RBM47: variants seen among roughly 807,000 people sequenced by gnomAD.
RBM47 encodes the protein RNA binding motif protein 47, also known as RNA-binding protein 47.
RBM47 carries 21 observed loss-of-function variants against 47.1 expected under a neutral mutation model. That is an observed-to-expected ratio of 0.45 (90% CI 0.32 to 0.64). The LOEUF (loss-of-function observed/expected upper bound fraction) is 0.64, where lower values mean the gene tolerates loss of function less well. Ranked by LOEUF, RBM47 falls within the 30% of genes least tolerant of loss-of-function variation. RBM47 has a pLI of 0.05. For missense variants in RBM47, 708 were observed against 870.9 expected (o/e 0.81, Z 2.35); for synonymous variants, 375 against 361.7 (o/e 1.04, Z -0.42).
chr4:40,459,243 C>G (rs1468829610), intron 3 of RBM47, among the ~76,000 whole-genome samples: 1 of 152,200 alleles, frequency 6.6e-6, no homozygotes, highest in African/African-American at 2.4e-5. Context: ...GTGCCTGGCA[C>G]TGAATGAATG....
At chr4:40,496,007 T>C (rs1005717181) in intron 2 of RBM47, among the ~76,000 whole-genome samples, 3 of 152,230 alleles carry the variant, frequency 2.0e-5, no homozygotes, top group Non-Finnish European at 2.9e-5. Flanking sequence ...TTAACTGAGA[T>C]GGCTCAAAGG....
intron 1 of RBM47, among the ~76,000 whole-genome samples, chr4:40,606,794 G>A (rs563980361): frequency 2.6e-4 from 40 of 152,104 alleles, no homozygotes; most frequent in Non-Finnish European, 4.4e-4. Flanking sequence ...GTACTAACAT[G>A]AACATGTGTT....
chr4:40,535,925 T>G (rs1577907769), intron 2 of RBM47, among the ~76,000 whole-genome samples: 1 of 152,132 alleles, frequency 6.6e-6, no homozygotes, highest in South Asian at 2.1e-4. Context: ...GGTCTCAAAC[T>G]CCTGACCTCA....
At chr4:40,622,548 T>C (rs1737360069) in intron 1 of RBM47, among the ~76,000 whole-genome samples, 2 of 152,060 alleles carry the variant, frequency 1.3e-5, no homozygotes, top group African/African-American at 4.8e-5. Context: ...CTCTAGAAAG[T>C]TTTCGGCAGG....
Position 40,426,167 on chromosome 4 carries a change from G to T in RBM47, c.1543-24C>A, listed in dbSNP as rs548154965. 68 of 1,610,160 alleles carry T rather than the reference G, an allele frequency of 4.2e-5. No individual in the cohort carries two copies. In the South Asian group the frequency reaches 7.4e-4, roughly 17 times the overall value. ...CCCTGAGGAGAAGAGACAAAAAGGA[G>T]CCTTCCTGAACACGTGTATGTACCT... On this transcript the variant is annotated intron_variant, in intron 6 of 6. Coordinates refer to ENST00000295971, the MANE Select transcript of RBM47 (RefSeq NM_001098634.2).
intron 1 of RBM47, among the ~76,000 whole-genome samples, chr4:40,582,351 T>C (rs760380506): frequency 3.9e-5 from 6 of 152,066 alleles, no homozygotes; most frequent in Non-Finnish European, 7.4e-5. Context: ...CTGGTCAACA[T>C]GGTAAAACCC....
intron 4 of RBM47, among the ~76,000 whole-genome samples, chr4:40,437,090 A>AAAAAAAAAAAAAAAAAAAAAATATAT: frequency 2.0e-5 from 1 of 49,800 alleles, no homozygotes; most frequent in Non-Finnish European, 3.3e-5. Flanking sequence ...AAAAAAAAAA[A>AAAAAAAAAAAAAAAAAAAAAATATAT]ATATATATAT....
intron 1 of RBM47, among the ~76,000 whole-genome samples, chr4:40,613,694 T>C (rs899205714): frequency 1.3e-5 from 2 of 151,976 alleles, no homozygotes; most frequent in Non-Finnish European, 2.9e-5. Context: ...TGGTGACTCA[T>C]GCTTGTAATC....
chr4:40,593,871 G>A (rs1335102680), intron 1 of RBM47, among the ~76,000 whole-genome samples: 4 of 136,798 alleles, frequency 2.9e-5, no homozygotes, highest in Admixed American at 7.7e-5. Flanking sequence ...GTGACCAAGC[G>A]AGACTCTGTC....
chr4:40,506,096 C>T (rs1724070840), intron 2 of RBM47, among the ~76,000 whole-genome samples: 1 of 152,126 alleles, frequency 6.6e-6, no homozygotes, highest in Admixed American at 6.5e-5. Flanking sequence ...CTCTAATACT[C>T]TTACTAAAAA....
At chr4:40,600,165 C>A (rs1735113235) in intron 1 of RBM47, among the ~76,000 whole-genome samples, 1 of 147,550 alleles carries the variant, frequency 6.8e-6, no homozygotes, top group African/African-American at 2.5e-5. Flanking sequence ...TAATACCTGG[C>A]TAATTTTTTT....
At chr4:40,511,807 C>CGCCT (rs1039170633) in intron 2 of RBM47, among the ~76,000 whole-genome samples, 1 of 151,784 alleles carries the variant, frequency 6.6e-6, no homozygotes, top group Non-Finnish European at 1.5e-5. Context: ...TGGTGGCAGG[C>CGCCT]GCCTATAGCC....
Position 40,522,186 on chromosome 4 carries a change from G to C in RBM47, c.-155+22236C>G, listed in dbSNP as rs141415737. 3.4e-3 allele frequency among the ~76,000 whole-genome samples: 515 copies of C among 152,192 alleles called. 3 individuals are homozygous for C. Among genetic ancestry groups the C allele is most frequent in the Non-Finnish European group, 6.1e-3 (415 of 67,994 alleles). ...TGAAAATTTCCTTTTTATGGTTTCA[G>C]ATTCTGCTGCAACTAACCTTTAAGA... On this transcript the variant is annotated intron_variant, in intron 2 of 6. Coordinates refer to ENST00000295971, the MANE Select transcript of RBM47 (RefSeq NM_001098634.2).
intron 2 of RBM47, among the ~76,000 whole-genome samples, chr4:40,508,163 C>T (rs1408782640): frequency 2.0e-5 from 3 of 152,214 alleles, no homozygotes; most frequent in African/African-American, 4.8e-5. Context: ...TTTGCCAGGA[C>T]GGGACTGCCC....
At chr4:40,599,044 CA>C (rs1735007450) in intron 1 of RBM47, among the ~76,000 whole-genome samples, 1 of 151,956 alleles carries the variant, frequency 6.6e-6, no homozygotes, top group African/African-American at 2.4e-5. Flanking sequence ...CACTTGAGGT[CA>C]GGAGTTCAAG....
intron 1 of RBM47, among the ~76,000 whole-genome samples, chr4:40,625,901 G>A (rs925577153): frequency 5.9e-5 from 9 of 152,146 alleles, no homozygotes; most frequent in African/African-American, 1.9e-4. Flanking sequence ...GGTTTTCAGG[G>A]TTACACTAGC....
intron 2 of RBM47, among the ~76,000 whole-genome samples, chr4:40,517,651 G>A (rs1285958551): frequency 1.3e-5 from 2 of 152,108 alleles, no homozygotes; most frequent in Non-Finnish European, 2.9e-5. Flanking sequence ...ACCAACCACA[G>A]ATCAAGAATA....
chr4:40,524,455 A>G (rs868096827), intron 2 of RBM47, among the ~76,000 whole-genome samples: 1 of 152,196 alleles, frequency 6.6e-6, no homozygotes. Context: ...ACATTTTAGC[A>G]CATCCATTTC....
chr4:40,433,538 G>A (rs920478326), intron 5 of RBM47, among the ~76,000 whole-genome samples: 3 of 152,192 alleles, frequency 2.0e-5, no homozygotes, highest in Non-Finnish European at 1.5e-5. Flanking sequence ...AGGCTTAGAC[G>A]AAGAAGTGAG....
Sources: allele counts gnomAD v4.1 joint callset (sites outside exome capture counted in the v4.1 genomes callset), GRCh38; gene constraint gnomAD v4.1.1; transcripts MANE v1.5; gene names NCBI Gene and HGNC (gene_info 2026-07-23, HGNC 2026-07-21).